The following TRIM35 variants were observed in gnomAD, a reference collection of about 807,000 sequenced individuals.
TRIM35 encodes E3 ubiquitin-protein ligase TRIM35.
In TRIM35, 37 loss-of-function variants were observed where a neutral mutation model predicts 49.1. The ratio of observed to expected loss-of-function variants is 0.75; its 90% confidence interval spans 0.58 to 0.99. The LOEUF is 0.99. TRIM35 is among the 50% of genes least tolerant of loss of function. TRIM35 has a pLI of 0.00. For synonymous variants in TRIM35, 302 were observed against 289.3 expected (o/e 1.04, Z -0.45); for missense variants, 648 against 702.7 (o/e 0.92, Z 0.88).
intron 1 of TRIM35, among the ~76,000 whole-genome samples, chr8:27,304,205 G>C (rs1347910692): frequency 6.6e-6 from 1 of 152,216 alleles, no homozygotes; most frequent in East Asian, 1.9e-4. Context: ...CTGTGGTATA[G>C]CTGGAAGCAG....
intron 2 of TRIM35, among the ~76,000 whole-genome samples, chr8:27,298,099 T>C (rs149259747): frequency 1.8e-4 from 27 of 152,198 alleles, no homozygotes; most frequent in Non-Finnish European, 3.4e-4. Context: ...GATAGGGGAA[T>C]AGGATTGCTG....
intron 5 of TRIM35, 61 bp downstream of exon 5, chr8:27,289,101 T>C: frequency 1.4e-6 from 2 of 1,429,148 alleles, no homozygotes; most frequent in Non-Finnish European, 2.0e-6. Context: ...CCCTGGTGCC[T>C]CTTTGCTAAC....
In TRIM35 at chr8:27,288,122, A is replaced by T. The variant is rs752757475; in HGVS notation, c.910T>A (p.Phe304Ile). Reference sequence around the variant, plus strand: ...GCTGCGGTGTTGGGGTCAAAGCTGAAGGGTACTGCAAGCAGAGGCGGAAAT... The same window carrying T: ...GCTGCGGTGTTGGGGTCAAAGCTGATGGGTACTGCAAGCAGAGGCGGAAAT... The part of the protein sequence containing the change: ...KMLASVESVP[F>I]SFDPNTAAGW... The change falls in exon 6 of 6, where the codon TTC becomes ATC. Residue 304 changes from phenylalanine to isoleucine, a missense_variant. Transcript: ENST00000305364. 3 of 1,602,516 alleles carry T rather than the reference A, an allele frequency of 1.9e-6. No individual in the cohort carries two copies. The highest frequency in any genetic ancestry group is 1.7e-6 in the Non-Finnish European group (2 of 1,177,996).
At chr8:27,301,599 A>G (rs992419244) in intron 1 of TRIM35, among the ~76,000 whole-genome samples, 1 of 152,302 alleles carries the variant, frequency 6.6e-6, no homozygotes, top group African/African-American at 2.4e-5. Flanking sequence ...TATATACACA[A>G]TGTATGTCCT....
Position 27,294,268 on chromosome 8 carries a change from C to G in TRIM35, c.574G>C (p.Asp192His). The part of the protein sequence containing the change: ...WLEGRIRQEF[D>H]KLREFLRVEE... ...ACTCTCAAGAACTCGCGAAGCTTAT[C>G]AAACTCCTGCCGGATCCGGCCTTCC... is the stretch of plus-strand genomic sequence containing the variant. Residue 192 changes from aspartate (D) to histidine (H), a missense_variant, in exon 3 of 6, where the codon GAT (aspartate) becomes CAT (histidine). Coordinates refer to ENST00000305364, the MANE Select transcript of TRIM35 (RefSeq NM_171982.5). 6.2e-7 allele frequency: 1 copy of G among 1,614,134 alleles called. No individual in the cohort carries two copies. Among genetic ancestry groups the G allele is most frequent in the Admixed American group, 1.7e-5 (1 of 60,026 alleles).
At chr8:27,295,978 A>C (rs955454889) in intron 2 of TRIM35, among the ~76,000 whole-genome samples, 1 of 152,224 alleles carries the variant, frequency 6.6e-6, no homozygotes, top group African/African-American at 2.4e-5. Context: ...AGGGAAAAAA[A>C]GAATGTGAAT....
chr8:27,307,391 C>T (rs1008196501), intron 1 of TRIM35, among the ~76,000 whole-genome samples: 1 of 152,052 alleles, frequency 6.6e-6, no homozygotes, highest in Non-Finnish European at 1.5e-5. Flanking sequence ...CTCCTCTCAG[C>T]GAAATCACTT....
At chr8:27,290,201 AT>A (rs1320370659) in intron 3 of TRIM35, 23 bp from the exon 4 acceptor site, 6 of 1,612,570 alleles carry the variant, frequency 3.7e-6, no homozygotes, top group East Asian at 2.2e-5. Context: ...AAATAAAAAA[AT>A]AACACAGAGA....
At chr8:27,289,353 AC>A in intron 4 of TRIM35, 73 bp from the exon 5 acceptor site, 1 of 1,236,802 alleles carries the variant, frequency 8.1e-7, no homozygotes, top group African/African-American at 1.5e-5. Context: ...CCAACTGGAA[AC>A]CAGCAACAGG....
chr8:27,298,623 A>G lies in TRIM35; in HGVS notation c.436-64T>C, dbSNP rs2130292378. 1.9e-5 allele frequency: 25 copies of G among 1,337,626 alleles called. No homozygotes were observed. The South Asian group carries it at 2.8e-4, about 15-fold the overall frequency. 82.9% of individuals were successfully genotyped at this position (1,337,626 alleles called of 1,614,324 possible). On this transcript the variant is annotated intron_variant, in intron 1 of 5. Transcript: ENST00000305364. ...GGGCTGGAGGCTGGGCAGAGAGGGC[A>G]GACACATCACATTTACAACTGGGAC...
At position 27,311,189 on chromosome 8, in the gene TRIM35, T is replaced by C. The variant is rs756612982; in HGVS notation, c.47A>G (p.Lys16Arg). The change falls in exon 1 of 6, where the codon AAG becomes AGG. Residue 16 changes from lysine to arginine, a missense_variant. Physicochemically the swap from Lys to Arg is conservative, Grantham distance 26 (BLOSUM62 2). Transcript: ENST00000305364. Reference sequence around the variant, plus strand: ...GCAGACGGCGCAGAGCAACTCCTCCTTGAAGGAGCGGGAAGGCCCGGGGGA... The same window carrying C: ...GCAGACGGCGCAGAGCAACTCCTCCCTGAAGGAGCGGGAAGGCCCGGGGGA... ...DVSPGPSRSFKEELLCAVCYD... is the reference protein window; with the variant it reads ...DVSPGPSRSFREELLCAVCYD... The C allele has an allele frequency of 1.7e-5, 28 of 1,601,398 alleles. No homozygotes were observed. Among genetic ancestry groups the C allele is most frequent in the African/African-American group, 1.3e-4 (10 of 74,712 alleles).
At chr8:27,293,231 T>C (rs1283753972) in intron 3 of TRIM35, among the ~76,000 whole-genome samples, 1 of 152,056 alleles carries the variant, frequency 6.6e-6, no homozygotes, top group Non-Finnish European at 1.5e-5. Flanking sequence ...TCAGCTGTTT[T>C]CCAGGTACAA....
rs1263279265 is a variant in TRIM35 at position 27,303,394 on chromosome 8, G to GGTTCACCTAGTGGTTCA, written c.436-4836_436-4835insTGAACCACTAGGTGAAC. On this transcript the variant is annotated intron_variant, in intron 1 of 5. Coordinates refer to ENST00000305364, the MANE Select transcript of TRIM35 (RefSeq NM_171982.5). ...TTTTTATTCCATTTTCCCCTTCTGT[G>GGTTCACCTAGTGGTTCA]CATCTAGTGGTTCACCTAGGAAATA... Among the ~76,000 whole-genome samples the GGTTCACCTAGTGGTTCA allele has an allele frequency of 2.0e-5, 3 of 151,606 alleles. No homozygotes were observed. The East Asian group carries it at 5.8e-4, about 29-fold the overall frequency.
In TRIM35 at chr8:27,289,187, C is replaced by T; in HGVS notation, c.879G>A (p.Lys293=). Residue 293 remains lysine (K), a synonymous_variant, in exon 5 of 6, where the codon AAG becomes AAA. Transcript: ENST00000305364. ...YLGSLQYRVW[K]KMLASVESVP... is the part of the protein sequence containing the mutation. ...CAGATTCCACAGATGCAAGCATCTT[C>T]TTCCAGACGCGGTACTGCAGGGAGC... 1 of 1,614,114 alleles carries T rather than the reference C, an allele frequency of 6.2e-7. No homozygotes were observed. Among genetic ancestry groups the T allele is most frequent in the Non-Finnish European group, 8.5e-7 (1 of 1,179,972 alleles).
At chr8:27,293,705 T>A (rs1279483383) in intron 3 of TRIM35, among the ~76,000 whole-genome samples, 1 of 151,688 alleles carries the variant, frequency 6.6e-6, no homozygotes, top group Non-Finnish European at 1.5e-5. Flanking sequence ...ATGAAAAAAA[T>A]TAGTTGGGCA....
intron 1 of TRIM35, among the ~76,000 whole-genome samples, chr8:27,307,241 G>C (rs193091636): frequency 5.9e-5 from 9 of 152,080 alleles, no homozygotes; most frequent in Admixed American, 4.6e-4. Flanking sequence ...TCCTAAGCAG[G>C]GCCCTCTGTG....
chr8:27,294,428 C>T lies in TRIM35; in HGVS notation c.532-118G>A. On this transcript the variant is annotated intron_variant, in intron 2 of 5. Coordinates refer to ENST00000305364, the MANE Select transcript of TRIM35 (RefSeq NM_171982.5). ...TTCAAATAAATCATGTATAGAACCC[C>T]TACAGATAAAATATCAACATAATAG... 3 of 941,730 alleles carry T rather than the reference C, an allele frequency of 3.2e-6. No individual in the cohort carries two copies. The South Asian group carries it at 5.3e-5, about 17-fold the overall frequency. 58.3% of individuals were successfully genotyped at this position (941,730 alleles called of 1,614,324 possible).
chr8:27,300,681 T>C (rs1057442902), intron 1 of TRIM35, among the ~76,000 whole-genome samples: 19 of 152,378 alleles, frequency 1.2e-4, no homozygotes, highest in African/African-American at 4.6e-4. Context: ...TATTTTCAAC[T>C]CATTTTGATC....
chr8:27,294,424 A>C, intron 2 of TRIM35, 114 bp from the exon 3 acceptor site: 2 of 943,398 alleles, frequency 2.1e-6, no homozygotes, highest in Non-Finnish European at 3.1e-6. Flanking sequence ...CATGTATAGA[A>C]CCCCTACAGA....
Sources: allele counts gnomAD v4.1 joint callset (sites outside exome capture counted in the v4.1 genomes callset), GRCh38; gene constraint gnomAD v4.1.1; transcripts MANE v1.5; gene names NCBI Gene and HGNC (gene_info 2026-07-23, HGNC 2026-07-21).